Variants in PPP2R5A observed in about 807,000 individuals in gnomAD.
PPP2R5A encodes the protein protein phosphatase 2 regulatory subunit B'alpha, also known as serine/threonine-protein phosphatase 2A 56 kDa regulatory subunit alpha isoform.
In PPP2R5A, 25 loss-of-function variants were observed where a neutral mutation model predicts 64.2. That is an observed-to-expected ratio of 0.39 (90% CI 0.28 to 0.54). PPP2R5A has a LOEUF of 0.54. Among genes scored for constraint, PPP2R5A ranks in the 20% least tolerant of loss-of-function variants. The probability of loss-of-function intolerance (pLI) is 0.67; values close to 1 mark genes in which losing one functional copy is unlikely to be tolerated. For missense variants in PPP2R5A, 425 were observed against 576.3 expected, an observed-to-expected ratio of 0.74 and a Z score of 2.69; for synonymous variants, 198 against 201.2, an observed-to-expected ratio of 0.98 and a Z score of 0.13.
chr1:212,299,479 A>T (rs1658759388), intron 1 of PPP2R5A: 2 of 152,238 alleles, frequency 1.3e-5, no homozygotes, highest in African/African-American at 4.8e-5. Flanking sequence ...AAAACTTTTT[A>T]AAATACTCTT....
chr1:212,296,546 T>C (rs1357798340), intron 1 of PPP2R5A, among the ~76,000 whole-genome samples: 7 of 152,192 alleles, frequency 4.6e-5, no homozygotes, highest in Non-Finnish European at 1.5e-5. Context: ...CTATAGAACA[T>C]CTTCTGTGTA....
chr1:212,333,154 C>T (rs1355663530), intron 2 of PPP2R5A, among the ~76,000 whole-genome samples: 2 of 152,104 alleles, frequency 1.3e-5, no homozygotes, highest in Non-Finnish European at 2.9e-5. Context: ...CTGCCCCCCT[C>T]GGCCTCCCAA....
intron 1 of PPP2R5A, among the ~76,000 whole-genome samples, chr1:212,290,610 A>G (rs1396612341): frequency 6.6e-6 from 1 of 152,244 alleles, no homozygotes; most frequent in African/African-American, 2.4e-5. Flanking sequence ...AAACTTTTCT[A>G]TTTAAACCCA....
At chr1:212,340,596 T>TTTATCTCTATGGG (rs1176574839) in intron 3 of PPP2R5A, among the ~76,000 whole-genome samples, 1 of 152,250 alleles carries the variant, frequency 6.6e-6, no homozygotes, top group Admixed American at 6.5e-5. Context: ...CTATTGTTGT[T>TTTATCTCTATGGG]TGATTAGAAA....
intron 1 of PPP2R5A, among the ~76,000 whole-genome samples, chr1:212,318,759 T>C (rs1008656109): frequency 6.6e-6 from 1 of 152,190 alleles, no homozygotes; most frequent in African/African-American, 2.4e-5. Context: ...TTTTTTCAGG[T>C]CATTATTCCT....
At chr1:212,354,611 G>A (rs1659945241) in intron 8 of PPP2R5A, among the ~76,000 whole-genome samples, 1 of 151,900 alleles carries the variant, frequency 6.6e-6, no homozygotes, top group African/African-American at 2.4e-5. Context: ...TTAAGCCTAG[G>A]AGTTCAAGGT....
At chr1:212,343,340 G>A (rs560059331) in intron 4 of PPP2R5A, among the ~76,000 whole-genome samples, 2 of 152,328 alleles carry the variant, frequency 1.3e-5, no homozygotes, top group South Asian at 4.1e-4. Flanking sequence ...CTAGGCCTGA[G>A]TATGCAGGCC....
intron 7 of PPP2R5A, among the ~76,000 whole-genome samples, 197 bp downstream of exon 7, chr1:212,348,694 C>T (rs11805975): frequency 0.014 from 2,173 of 152,306 alleles, 50 homozygotes; most frequent in African/African-American, 0.048. Flanking sequence ...TCTATATCTA[C>T]ACTTACAGTT....
chr1:212,345,454 C>T (rs1012316836), intron 4 of PPP2R5A, among the ~76,000 whole-genome samples: 2 of 152,096 alleles, frequency 1.3e-5, no homozygotes, highest in East Asian at 1.9e-4. Flanking sequence ...GTAGTTTTGA[C>T]GATCAAAAAG....
At chr1:212,297,161 G>A (rs1350110861) in intron 1 of PPP2R5A, among the ~76,000 whole-genome samples, 1 of 112,940 alleles carries the variant, frequency 8.9e-6, no homozygotes, top group African/African-American at 3.4e-5. Flanking sequence ...TCACTCTATC[G>A]CCCAGGCTGG....
intron 1 of PPP2R5A, chr1:212,306,739 A>T (rs995298039): frequency 3.6e-5 from 4 of 109,630 alleles, no homozygotes; most frequent in African/African-American, 1.7e-4. Context: ...TAATCCATTT[A>T]CATTTATTTA....
chr1:212,354,971 C>T (rs981302383), intron 8 of PPP2R5A, among the ~76,000 whole-genome samples: 40 of 152,274 alleles, frequency 2.6e-4, no homozygotes, highest in Admixed American at 2.2e-3. Context: ...GGTTTAAGTA[C>T]ACCCTGTGAC....
intron 1 of PPP2R5A, among the ~76,000 whole-genome samples, chr1:212,288,592 T>C (rs1339568927): frequency 6.6e-6 from 1 of 152,138 alleles, no homozygotes; most frequent in African/African-American, 2.4e-5. Flanking sequence ...CTTCTTTTAC[T>C]CCAGATGCCA....
At chr1:212,352,255 C>T (rs1659899275) in intron 8 of PPP2R5A, among the ~76,000 whole-genome samples, 1 of 151,396 alleles carries the variant, frequency 6.6e-6, no homozygotes, top group Middle Eastern at 3.2e-3. Context: ...TCTCAAACTC[C>T]TAAGATCAGG....
At chr1:212,297,099 T>C (rs1214616581) in intron 1 of PPP2R5A, among the ~76,000 whole-genome samples, 32 of 5,016 alleles carry the variant, frequency 6.4e-3, no homozygotes, top group African/African-American at 0.021. Flanking sequence ...GCTTCTTCTT[T>C]TTTTTTTTTT....
chr1:212,356,898 TTA>T, intron 9 of PPP2R5A, 50 bp from the exon 10 acceptor site: 1 of 1,414,430 alleles, frequency 7.1e-7, no homozygotes. Flanking sequence ...GGTTTCTATA[TTA>T]GTTTCACATA....
chr1:212,302,030 G>A (rs1658806850), intron 1 of PPP2R5A: 1 of 1,521,452 alleles, frequency 6.6e-7, no homozygotes, highest in East Asian at 2.5e-5. Flanking sequence ...TATCACCTCA[G>A]AAGTTTAGTT....
intron 1 of PPP2R5A, among the ~76,000 whole-genome samples, chr1:212,322,245 G>A (rs1485831734): frequency 8.5e-6 from 1 of 117,628 alleles, no homozygotes; most frequent in Non-Finnish European, 1.8e-5. Context: ...AGAGGGAGAG[G>A]AGGGAGAGGG....
At chr1:212,311,737 A>G (rs939578102) in intron 1 of PPP2R5A, among the ~76,000 whole-genome samples, 1 of 152,198 alleles carries the variant, frequency 6.6e-6, no homozygotes, top group African/African-American at 2.4e-5. Context: ...CTTAGTTTTT[A>G]ACAAAAAAGT....
Sources: gnomAD v4.1 joint callset for allele counts (sites outside exome capture counted in the v4.1 genomes callset) on GRCh38, gnomAD v4.1.1 for gene constraint, MANE v1.5 for transcripts, NCBI Gene and HGNC (gene_info 2026-07-23, HGNC 2026-07-21) for gene names.